The following KCNIP4 variants were observed in gnomAD, a reference collection of about 807,000 sequenced individuals.
KCNIP4 encodes Kv channel-interacting protein 4.
A neutral mutation model predicts 34.0 loss-of-function variants in KCNIP4; 12 were observed. That is an observed-to-expected ratio of 0.35 (90% CI 0.23 to 0.57). KCNIP4 has a LOEUF of 0.57. KCNIP4 is among the 20% of genes least tolerant of loss of function. KCNIP4 has a pLI of 0.83. For synonymous variants in KCNIP4, 124 were observed against 102.2 expected, an observed-to-expected ratio of 1.21 and a Z score of -1.29; for missense variants, 238 against 311.7, an observed-to-expected ratio of 0.76 and a Z score of 1.78.
At chr4:21,701,597 G>C (rs1225102239) in intron 1 of KCNIP4, among the ~76,000 whole-genome samples, 1 of 152,088 alleles carries the variant, frequency 6.6e-6, no homozygotes, top group Non-Finnish European at 1.5e-5. Flanking sequence ...TAGTCTTCTA[G>C]GGTTAAGAGA....
In KCNIP4 at chr4:21,036,478, A is replaced by G. The variant is rs1741452630; in HGVS notation, c.62-153769T>C. Among the ~76,000 whole-genome samples the G allele has an allele frequency of 1.3e-5, 2 of 152,224 alleles. 1 individual carries two copies. The highest frequency in any genetic ancestry group is 4.1e-4 in the South Asian group (2 of 4,836). On this transcript the variant is annotated intron_variant, in intron 1 of 8. Transcript: ENST00000382152. The stretch of plus-strand genomic sequence containing the variant: ...CACAAAAGACATCATTTGAGAAGGA[A>G]AAGATAAGTGCAGGTTTATTTTGCT...
chr4:21,300,039 C>G (rs191926076), intron 1 of KCNIP4, among the ~76,000 whole-genome samples: 1 of 152,000 alleles, frequency 6.6e-6, no homozygotes, highest in East Asian at 1.9e-4. Context: ...ATAACAGTGA[C>G]TTTTTTCAAG....
At chr4:21,116,484 C>G (rs1007942500) in intron 1 of KCNIP4, among the ~76,000 whole-genome samples, 1 of 152,226 alleles carries the variant, frequency 6.6e-6, no homozygotes, top group Non-Finnish European at 1.5e-5. Context: ...TCTATGGCTT[C>G]TGCCACTAAC....
intron 1 of KCNIP4, among the ~76,000 whole-genome samples, chr4:21,306,825 T>G (rs1712515833): frequency 6.6e-6 from 1 of 152,052 alleles, no homozygotes; most frequent in Non-Finnish European, 1.5e-5. Flanking sequence ...CAGGAACTTT[T>G]TTTTTTTTTC....
intron 1 of KCNIP4, among the ~76,000 whole-genome samples, chr4:21,418,370 G>T (rs1164495316): frequency 6.6e-6 from 1 of 152,126 alleles, no homozygotes; most frequent in African/African-American, 2.4e-5. Flanking sequence ...GATGGCAAAA[G>T]CCTATAGTCC....
chr4:21,722,265 A>C (rs767286074), intron 1 of KCNIP4, among the ~76,000 whole-genome samples: 5 of 152,180 alleles, frequency 3.3e-5, no homozygotes, highest in Non-Finnish European at 5.9e-5. Flanking sequence ...GAAGAGAGGT[A>C]TGAAAACAAT....
At chr4:21,345,501 C>T (rs1717201524) in intron 1 of KCNIP4, among the ~76,000 whole-genome samples, 1 of 152,120 alleles carries the variant, frequency 6.6e-6, no homozygotes, top group African/African-American at 2.4e-5. Context: ...ATTTTCACAT[C>T]ACAGGCAATT....
intron 1 of KCNIP4, among the ~76,000 whole-genome samples, chr4:21,823,822 C>A (rs1722512352): frequency 6.6e-6 from 1 of 152,004 alleles, no homozygotes; most frequent in East Asian, 1.9e-4. Flanking sequence ...GTAAATCACA[C>A]ACATAAAAAA....
At chr4:20,848,750 C>G (rs547892786) in intron 3 of KCNIP4, among the ~76,000 whole-genome samples, 7 of 152,088 alleles carry the variant, frequency 4.6e-5, no homozygotes, top group Non-Finnish European at 8.8e-5. Flanking sequence ...AGATTGGATT[C>G]AGTTCTCCTG....
intron 1 of KCNIP4, among the ~76,000 whole-genome samples, chr4:21,374,606 G>C (rs1420972670): frequency 6.8e-6 from 1 of 147,488 alleles, no homozygotes; most frequent in East Asian, 2.0e-4. Flanking sequence ...TGAACTGTAT[G>C]GTATGGGCAT....
At chr4:21,012,303 GCA>G (rs1477655847) in intron 1 of KCNIP4, among the ~76,000 whole-genome samples, 2 of 152,180 alleles carry the variant, frequency 1.3e-5, no homozygotes, top group African/African-American at 2.4e-5. Flanking sequence ...AACATGGCCA[GCA>G]CAGTGGCTTA....
intron 1 of KCNIP4, among the ~76,000 whole-genome samples, chr4:21,872,649 T>C (rs1408625012): frequency 6.6e-6 from 1 of 152,142 alleles, no homozygotes; most frequent in African/African-American, 2.4e-5. Context: ...AGATAATAGA[T>C]TCAGTTACCA....
intron 1 of KCNIP4, among the ~76,000 whole-genome samples, chr4:21,387,561 A>T (rs185914316): frequency 6.6e-6 from 1 of 152,294 alleles, no homozygotes; most frequent in Admixed American, 6.5e-5. Context: ...TACCTTAAAA[A>T]CTTTTCCATT....
chr4:21,731,114 C>CAAAAAAA (rs36075428), intron 1 of KCNIP4, among the ~76,000 whole-genome samples: 3 of 135,132 alleles, frequency 2.2e-5, no homozygotes, highest in Admixed American at 7.3e-5. Flanking sequence ...GAACCTGTCT[C>CAAAAAAA]AAAAAAAAAA....
intron 1 of KCNIP4, among the ~76,000 whole-genome samples, chr4:20,992,418 CAT>C (rs1198908507): frequency 3.3e-5 from 5 of 152,098 alleles, no homozygotes; most frequent in Non-Finnish European, 7.4e-5. Flanking sequence ...CCGCCCTTGA[CAT>C]GTGGGGATTA....
intron 5 of KCNIP4, among the ~76,000 whole-genome samples, chr4:20,748,435 A>T (rs1204176015): frequency 1.3e-5 from 2 of 151,786 alleles, no homozygotes; most frequent in Non-Finnish European, 2.9e-5. Context: ...CTTTTGTGCC[A>T]GTACCATTTC....
intron 1 of KCNIP4, among the ~76,000 whole-genome samples, chr4:21,379,683 T>G (rs1001532802): frequency 2.0e-5 from 3 of 152,296 alleles, no homozygotes; most frequent in Admixed American, 2.0e-4. Context: ...AGACAATAGA[T>G]GGCAAATAAT....
At chr4:21,181,916 C>T (rs777832508) in intron 1 of KCNIP4, among the ~76,000 whole-genome samples, 9 of 152,210 alleles carry the variant, frequency 5.9e-5, no homozygotes, top group Non-Finnish European at 1.2e-4. Flanking sequence ...TTGGGTCAAA[C>T]ATTTGCTTTA....
rs540536899 is a variant in KCNIP4, at chr4:21,183,337, T to A, written c.62-300628A>T. On this transcript the variant is annotated intron_variant, in intron 1 of 8. Coordinates refer to ENST00000382152, the MANE Select transcript of KCNIP4 (RefSeq NM_025221.6). ...GCAGGTATCTCTCTTCAATTTATTTTTTTTCCTTTGGATATATTTATTTTC... is the reference window on the plus strand; with the variant it reads ...GCAGGTATCTCTCTTCAATTTATTTATTTTCCTTTGGATATATTTATTTTC... 2.9e-3 allele frequency among the ~76,000 whole-genome samples: 435 copies of A among 152,306 alleles called. 2 individuals are homozygous for A. Among genetic ancestry groups the A allele is most frequent in the Middle Eastern group, 0.024 (7 of 294 alleles).
Sources: gnomAD v4.1 joint callset for allele counts (sites outside exome capture counted in the v4.1 genomes callset) on GRCh38, gnomAD v4.1.1 for gene constraint, MANE v1.5 for transcripts, NCBI Gene and HGNC (gene_info 2026-07-23, HGNC 2026-07-21) for gene names.